Variants in TRPC5 observed in about 807,000 individuals in gnomAD.
The protein encoded by TRPC5 is transient receptor potential cation channel subfamily C member 5.
In TRPC5, 9 loss-of-function variants were observed where a neutral mutation model predicts 56.5. That is an observed-to-expected ratio of 0.16 (90% CI 0.10 to 0.28). The LOEUF is 0.28. TRPC5 is among the 10% of genes least tolerant of loss of function. The pLI is 1.00. For synonymous variants in TRPC5, 282 were observed against 278.5 expected, an observed-to-expected ratio of 1.01 and a Z score of -0.13; for missense variants, 469 against 748.9, an observed-to-expected ratio of 0.63 and a Z score of 4.36.
chrX:112,076,189 A>T (rs371768511), intron 1 of TRPC5, among the ~76,000 whole-genome samples: 1 of 111,974 alleles, frequency 8.9e-6, no homozygotes, highest in East Asian at 2.8e-4. Flanking sequence ...TACTAATCTG[A>T]TACTATTGAA....
At chrX:111,913,613 A>G (rs1055424993) in intron 2 of TRPC5, among the ~76,000 whole-genome samples, 24 of 111,460 alleles carry the variant, frequency 2.2e-4, no homozygotes, top group African/African-American at 7.2e-4. Flanking sequence ...ATTCAGGAGC[A>G]CTTCCGGGTG....
rs775948177 is a variant in TRPC5 at position 111,773,479 on chromosome X, T to G, written c.*2834A>C. ...ATTTTTGTATTATTTGTGTTTGACT[T>G]TGCAGTACATTTTTAACTTCACATT... On this transcript the variant is annotated 3_prime_UTR_variant, in exon 11 of 11. Coordinates refer to ENST00000262839, the MANE Select transcript of TRPC5 (RefSeq NM_012471.3). Among the ~76,000 whole-genome samples the G allele has an allele frequency of 8.9e-6, 1 of 112,076 alleles. No individual in the cohort carries two copies. The highest frequency in any genetic ancestry group is 2.8e-4 in the East Asian group (1 of 3,577).
Position 111,952,026 on chromosome X carries a change from A to G in TRPC5, c.378+17T>C, listed in dbSNP as rs1159427962. Reference sequence around the variant, plus strand: ...GTTGTGCCTGGCTATTTCCCAGCCTATAGGAATTTCTCTTACCTGCTTCTC... The same window carrying G: ...GTTGTGCCTGGCTATTTCCCAGCCTGTAGGAATTTCTCTTACCTGCTTCTC... On this transcript the variant is annotated intron_variant, in intron 2 of 10. Transcript: ENST00000262839. 2 of 1,190,993 alleles carry G rather than the reference A, an allele frequency of 1.7e-6. No individual in the cohort carries two copies. The highest frequency in any genetic ancestry group is 3.5e-5 in the African/African-American group (2 of 57,186).
intron 7 of TRPC5, among the ~76,000 whole-genome samples, chrX:111,816,578 A>G (rs1300084130): frequency 8.9e-6 from 1 of 112,193 alleles, no homozygotes; most frequent in Non-Finnish European, 1.9e-5. Context: ...ACGATTTCTC[A>G]TGAAATCAAC....
intron 7 of TRPC5, among the ~76,000 whole-genome samples, chrX:111,791,887 A>G (rs1284679221): frequency 8.9e-6 from 1 of 112,320 alleles, no homozygotes; most frequent in Non-Finnish European, 1.9e-5. Context: ...AACCCTGTGG[A>G]AGACAGTGTG....
chrX:111,854,160 C>T, intron 3 of TRPC5, 54 bp from the exon 4 acceptor site: 1 of 1,106,524 alleles, frequency 9.0e-7, no homozygotes, highest in Non-Finnish European at 1.2e-6. Flanking sequence ...AGAAAGTCTA[C>T]TGTCATAATA....
chrX:112,063,778 T>TTTTG (rs949922045), intron 1 of TRPC5, among the ~76,000 whole-genome samples: 2 of 112,265 alleles, frequency 1.8e-5, no homozygotes, highest in Admixed American at 9.4e-5. Flanking sequence ...TTACTTATTC[T>TTTTG]TTTGTTTGTT....
chrX:111,933,777 C>A (rs1447519190), intron 2 of TRPC5, among the ~76,000 whole-genome samples: 2 of 111,137 alleles, frequency 1.8e-5, no homozygotes, highest in African/African-American at 6.5e-5. Flanking sequence ...TAGAGCCATG[C>A]CTAAGAGGAG....
rs372997036 is a variant in TRPC5 at position 111,849,011 on chromosome X, A to G, written c.1378-1575T>C. On this transcript the variant is annotated intron_variant, in intron 5 of 10. Coordinates refer to ENST00000262839, the MANE Select transcript of TRPC5 (RefSeq NM_012471.3). ...ACTATTTCTATTAAATGTTACTTAT[A>G]TGATAGTTGATATCACAGCACAGAT... Among the ~76,000 whole-genome samples the G allele has an allele frequency of 2.3e-4, 26 of 112,533 alleles. No homozygotes were observed. In the South Asian group the frequency reaches 9.2e-3, roughly 40 times the overall value.
chrX:112,000,262 A>G (rs73548171), intron 1 of TRPC5, among the ~76,000 whole-genome samples: 6,634 of 111,474 alleles, frequency 0.06, 491 homozygotes, highest in African/African-American at 0.2. Context: ...AAGTAACACC[A>G]CTGGAAAGTA....
intron 1 of TRPC5, among the ~76,000 whole-genome samples, chrX:111,985,538 A>C (rs978055857): frequency 2.7e-5 from 3 of 112,130 alleles, no homozygotes; most frequent in African/African-American, 9.7e-5. Context: ...TAACAGAATA[A>C]ATTTTTTCAG....
chrX:112,072,739 T>C (rs1471052036), intron 1 of TRPC5, among the ~76,000 whole-genome samples: 2 of 111,943 alleles, frequency 1.8e-5, no homozygotes, highest in Non-Finnish European at 3.8e-5. Context: ...AGTTTAGCTA[T>C]GTGGGTGATT....
chrX:111,900,925 T>A (rs1925311079), intron 3 of TRPC5, among the ~76,000 whole-genome samples: 1 of 111,278 alleles, frequency 9.0e-6, no homozygotes, highest in Non-Finnish European at 1.9e-5. Context: ...TACACAAATA[T>A]ATACTTACTC....
intron 7 of TRPC5, among the ~76,000 whole-genome samples, chrX:111,788,156 A>G (rs1401595398): frequency 1.8e-5 from 2 of 111,991 alleles, no homozygotes; most frequent in African/African-American, 6.5e-5. Flanking sequence ...TCAATGCGAA[A>G]ATCCTCAATG....
chrX:111,883,096 A>AG (rs2148600915), intron 3 of TRPC5, among the ~76,000 whole-genome samples: 1 of 110,675 alleles, frequency 9.0e-6, no homozygotes, highest in East Asian at 2.8e-4. Flanking sequence ...AAAAAAAAAA[A>AG]AAAAAAAAGA....
At chrX:112,073,419 G>T (rs1044445753) in intron 1 of TRPC5, among the ~76,000 whole-genome samples, 5 of 104,531 alleles carry the variant, frequency 4.8e-5, no homozygotes, top group Non-Finnish European at 1.0e-4. Context: ...ACAGGCACGT[G>T]CCACCATGCC....
At chrX:112,070,437 T>C (rs1930688675) in intron 1 of TRPC5, among the ~76,000 whole-genome samples, 1 of 111,228 alleles carries the variant, frequency 9.0e-6, no homozygotes, top group Non-Finnish European at 1.9e-5. Context: ...GAAAGTTCCA[T>C]AGCCAGTGTT....
At chrX:111,983,257 C>A (rs1928127867) in intron 1 of TRPC5, among the ~76,000 whole-genome samples, 1 of 111,588 alleles carries the variant, frequency 9.0e-6, no homozygotes, top group Non-Finnish European at 1.9e-5. Flanking sequence ...TGACTGTAGC[C>A]AGGTACGCCT....
intron 7 of TRPC5, among the ~76,000 whole-genome samples, chrX:111,802,949 T>C (rs1483419661): frequency 9.0e-6 from 1 of 110,881 alleles, no homozygotes. Flanking sequence ...ATGCGCCATG[T>C]TGGTGTGCTG....
Sources: allele counts gnomAD v4.1 joint callset (sites outside exome capture counted in the v4.1 genomes callset), GRCh38; gene constraint gnomAD v4.1.1; transcripts MANE v1.5; gene names NCBI Gene and HGNC (gene_info 2026-07-23, HGNC 2026-07-21).